The following AZIN2 variants were observed in gnomAD, a reference collection of about 807,000 sequenced individuals.
AZIN2 encodes ODC antizyme inhibitor-2.
Under a neutral mutation model 47.8 loss-of-function variants are expected in AZIN2, and 28 were observed. The ratio of observed to expected loss-of-function variants is 0.59; its 90% CI spans 0.43 to 0.80. The LOEUF is 0.80. Among genes scored for constraint, AZIN2 ranks in the 30% least tolerant of loss-of-function variants. The pLI is 0.00. For synonymous variants in AZIN2, 221 were observed against 239.4 expected (o/e 0.92, Z 0.71); for missense variants, 535 against 582.5 (o/e 0.92, Z 0.84).
the AZIN2 span, among the ~76,000 whole-genome samples, chr1:33,162,055 C>G: frequency 6.6e-6 from 1 of 152,154 alleles, no homozygotes; most frequent in South Asian, 2.1e-4. Context: ...CCTCTGGGGT[C>G]CCACAGGTCT....
At position 33,117,907 on chromosome 1, in the gene AZIN2, A is replaced by G. The variant is rs761855959; in HGVS notation, c.1035A>G (p.Pro345=). 3 of 1,614,196 alleles carry G rather than the reference A, an allele frequency of 1.9e-6. No homozygotes were observed. The South Asian group carries it at 3.3e-5, about 18-fold the overall frequency. ...GCCATCCCTTCTTCCTACAGAAACC[A>G]TCCACGGAGCAGCCCCTGTACAGCA... The part of the protein sequence containing the change: ...ICPTPILQKK[P]STEQPLYSSS... The change falls in exon 11 of 12, where the codon CCA becomes CCG. Residue 345 remains proline, a synonymous_variant. Coordinates refer to ENST00000294517, the MANE Select transcript of AZIN2 (RefSeq NM_052998.4).
Position 33,109,855 on chromosome 1 carries a change from C to A in AZIN2, c.1030-8047C>A, listed in dbSNP as rs184502146. Among the ~76,000 whole-genome samples the A allele has an allele frequency of 1.8e-4, 27 of 152,188 alleles. No homozygotes were observed. In the East Asian group the frequency reaches 5.2e-3, roughly 29 times the overall value. On this transcript the variant is annotated intron_variant, in intron 10 of 11. Coordinates refer to ENST00000294517, the MANE Select transcript of AZIN2 (RefSeq NM_052998.4). The stretch of plus-strand genomic sequence containing the variant: ...TTGTGTATTTTGTTTATTAGTGTGT[C>A]CCAAGCATACAAAACAGTGATTATC...
rs113143701 is a variant in AZIN2, at chr1:33,114,995, C to T, written c.1030-2907C>T. Among the ~76,000 whole-genome samples, 987 of 152,204 alleles carry T rather than the reference C, an allele frequency of 6.5e-3. 15 individuals carry two copies. The highest frequency in any genetic ancestry group is 0.022 in the African/African-American group (930 of 41,526). ...AATTATTTAGGGATTCCATCAAGGC[C>T]GTGCACCTTTTTCAATGTTTGACCT... is the stretch of plus-strand genomic sequence containing the variant. On this transcript the variant is annotated intron_variant, in intron 10 of 11. Transcript: ENST00000294517.
In AZIN2 at chr1:33,122,544, G is replaced by GT. The variant is rs1233852852; in HGVS notation, c.*2363dup. Among the ~76,000 whole-genome samples the GT allele has an allele frequency of 1.3e-5, 2 of 152,148 alleles. No homozygotes were observed. Among genetic ancestry groups the GT allele is most frequent in the Admixed American group, 6.5e-5 (1 of 15,280 alleles). On this transcript the variant is annotated 3_prime_UTR_variant, in exon 12 of 12. Transcript: ENST00000294517. Reference sequence around the variant, plus strand: ...AAAAAAGCCTGAAATGTGGAGAATGGTAAGGGGCTTCAGGCTTGTGCAGGC... The same window carrying GT: ...AAAAAAGCCTGAAATGTGGAGAATGGTTAAGGGGCTTCAGGCTTGTGCAGGC...
chr1:33,158,145 C>A, the AZIN2 span: 4 of 957,622 alleles, frequency 4.2e-6, no homozygotes, highest in Non-Finnish European at 6.6e-6. Flanking sequence ...CTCAGCAAGG[C>A]ACTCTGCTCA....
chr1:33,094,503 AC>A, intron 7 of AZIN2, 44 bp from the exon 8 acceptor site: 1 of 1,581,762 alleles, frequency 6.3e-7, no homozygotes. Context: ...AGGTGGTGGC[AC>A]TTGGAGCCCT....
At chr1:33,119,871 AC>A (rs1488326389) in intron 11 of AZIN2, 172 bp from the exon 12 acceptor site, 1 of 741,918 alleles carries the variant, frequency 1.3e-6, no homozygotes, top group Non-Finnish European at 2.2e-6. Flanking sequence ...AGGGGTGGGG[AC>A]CACACGGGAG....
At chr1:33,098,044 C>A in intron 9 of AZIN2, 23 bp from the exon 10 acceptor site, 1 of 1,586,248 alleles carries the variant, frequency 6.3e-7, no homozygotes, top group Non-Finnish European at 8.7e-7. Flanking sequence ...CTTGTGCTGC[C>A]TCTGAACCCT....
At chr1:33,107,839 A>G (rs1199088761) in intron 10 of AZIN2, among the ~76,000 whole-genome samples, 1 of 141,030 alleles carries the variant, frequency 7.1e-6, no homozygotes, top group Non-Finnish European at 1.5e-5. Flanking sequence ...ACATAAATAA[A>G]TGGAAAGATA....
the AZIN2 span, among the ~76,000 whole-genome samples, chr1:33,138,922 A>C: frequency 6.6e-6 from 1 of 152,216 alleles, no homozygotes; most frequent in Non-Finnish European, 1.5e-5. Flanking sequence ...ACCACAGAAC[A>C]CATAGAAAGA....
intron 4 of AZIN2, 24 bp from the exon 5 acceptor site, chr1:33,083,930 A>T (rs1456089709): frequency 1.2e-6 from 2 of 1,613,560 alleles, no homozygotes; most frequent in African/African-American, 1.3e-5. Flanking sequence ...GGGGTCTCAC[A>T]TTCATCCACT....
chr1:33,117,928 C>G lies in AZIN2; in HGVS notation c.1056C>G (p.Tyr352Ter), dbSNP rs767695246. 1.9e-6 allele frequency: 3 copies of G among 1,614,024 alleles called. No individual in the cohort carries two copies. Among genetic ancestry groups the G allele is most frequent in the Middle Eastern group, 1.6e-4 (1 of 6,062 alleles). ...AACCATCCACGGAGCAGCCCCTGTA[C>G]AGCAGCAGCCTGTGGGGCCCGGCGG... ...QKKPSTEQPL[Y>*]SSSLWGPAVD... is the part of the protein sequence containing the mutation. Residue 352 changes from tyrosine to a stop codon, truncating the protein, a stop_gained, in exon 11 of 12, where the codon TAC (tyrosine) becomes TAG (stop). Coordinates refer to ENST00000294517, the MANE Select transcript of AZIN2 (RefSeq NM_052998.4). LOFTEE classifies it high-confidence loss of function.
rs549978969 is a variant in AZIN2 at position 33,101,324 on chromosome 1, C to T, written c.1029+3145C>T. Among the ~76,000 whole-genome samples the T allele has an allele frequency of 3.9e-5, 6 of 152,316 alleles. No homozygotes were observed. In the South Asian group the frequency reaches 1.2e-3, roughly 32 times the overall value. Reference sequence around the variant, plus strand: ...AAAGTGCTGGGATTACAGGCATGAACCACTGTGCCTGGCCCCCACCCTCTT... The same window carrying T: ...AAAGTGCTGGGATTACAGGCATGAATCACTGTGCCTGGCCCCCACCCTCTT... On this transcript the variant is annotated intron_variant, in intron 10 of 11. Transcript: ENST00000294517.
At chr1:33,153,907 C>CA in the AZIN2 span, among the ~76,000 whole-genome samples, 1 of 152,240 alleles carries the variant, frequency 6.6e-6, no homozygotes, top group East Asian at 1.9e-4. Flanking sequence ...CTGACCCTCA[C>CA]AGTTCACAGT....
intron 10 of AZIN2, among the ~76,000 whole-genome samples, chr1:33,103,162 A>C (rs1483395977): frequency 1.3e-5 from 2 of 152,080 alleles, no homozygotes; most frequent in Non-Finnish European, 2.9e-5. Flanking sequence ...CTGCAGACAG[A>C]ATGATCTTTT....
chr1:33,105,666 A>G (rs1261263432), intron 10 of AZIN2, among the ~76,000 whole-genome samples: 1 of 152,100 alleles, frequency 6.6e-6, no homozygotes, highest in Non-Finnish European at 1.5e-5. Flanking sequence ...ATCACCTCCC[A>G]ACAGGCCCCT....
At chr1:33,145,756 G>A in the AZIN2 span, 1 of 422,678 alleles carries the variant, frequency 2.4e-6, no homozygotes, top group South Asian at 1.8e-5. Context: ...CAAGGGGCAG[G>A]ACAACCCTAG....
At chr1:33,098,269 A>T in intron 10 of AZIN2, 90 bp downstream of exon 10, 1 of 986,386 alleles carries the variant, frequency 1.0e-6, no homozygotes. Context: ...TAAAAAGTCA[A>T]ACATATTTAT....
At chr1:33,148,148 A>G in the AZIN2 span, among the ~76,000 whole-genome samples, 1 of 152,162 alleles carries the variant, frequency 6.6e-6, no homozygotes. Flanking sequence ...TTGTCTTAAC[A>G]ACAGCTGGGA....
Sources: gnomAD v4.1 joint callset for allele counts (sites outside exome capture counted in the v4.1 genomes callset) on GRCh38, gnomAD v4.1.1 for gene constraint, MANE v1.5 for transcripts, NCBI Gene and HGNC (gene_info 2026-07-23, HGNC 2026-07-21) for gene names.